The following ANKRD12 variants were observed in gnomAD, a reference collection of about 807,000 sequenced individuals.
ANKRD12 encodes the protein ankyrin repeat domain-containing protein 12.
In ANKRD12, 85 loss-of-function variants were observed where a neutral mutation model predicts 183.4. The observed-to-expected ratio is 0.46, with a 90% confidence interval of 0.39 to 0.56. ANKRD12 has a LOEUF of 0.56. Ranked by LOEUF, ANKRD12 falls within the 20% of genes least tolerant of loss-of-function variation. ANKRD12 has a pLI of 0.00. For synonymous variants in ANKRD12, 914 were observed against 800.2 expected (o/e 1.14, Z -2.40); for missense variants, 2,405 against 2,357.1 (o/e 1.02, Z -0.42).
intron 1 of ANKRD12, among the ~76,000 whole-genome samples, chr18:9,160,205 A>G (rs186087408): frequency 2.0e-5 from 3 of 152,278 alleles, no homozygotes; most frequent in African/African-American, 4.8e-5. Context: ...AACCTCAGCT[A>G]CGTGGACTCA....
At chr18:9,246,800 A>G (rs572542525) in intron 8 of ANKRD12, among the ~76,000 whole-genome samples, 5 of 152,204 alleles carry the variant, frequency 3.3e-5, no homozygotes, top group Admixed American at 1.3e-4. Flanking sequence ...TGTGCCAGGT[A>G]TATGTCAGGC....
Position 9,284,102 on chromosome 18 carries a change from AT to A in ANKRD12, c.*2980del, listed in dbSNP as rs1428699708. The A allele has an allele frequency of 2.0e-5, 3 of 152,236 alleles. No individual in the cohort carries two copies. The highest frequency in any genetic ancestry group is 7.2e-5 in the African/African-American group (3 of 41,474). 9.4% of individuals were successfully genotyped at this position (152,236 alleles called of 1,614,324 possible). A position where few individuals can be genotyped will look rare whatever the true frequency, so the allele number is the denominator to read the frequency against. On this transcript the variant is annotated 3_prime_UTR_variant, in exon 13 of 13. Coordinates refer to ENST00000262126, the MANE Select transcript of ANKRD12 (RefSeq NM_015208.5). ...AAAATATGTACATAAGTTTAAAAATATTTTATTGCTAAAAATGGTAACAAAG... is the reference window on the plus strand; with the variant it reads ...AAAATATGTACATAAGTTTAAAAATATTTATTGCTAAAAATGGTAACAAAG...
chr18:9,203,850 C>G (rs1158458345), intron 3 of ANKRD12, among the ~76,000 whole-genome samples: 1 of 152,138 alleles, frequency 6.6e-6, no homozygotes, highest in Admixed American at 6.5e-5. Flanking sequence ...GGTAATCCAC[C>G]CACCTTGGCC....
chr18:9,279,554 T>A lies in ANKRD12; in HGVS notation c.5913T>A (p.Asp1971Glu). 1 of 1,586,292 alleles carries A rather than the reference T, an allele frequency of 6.3e-7. No individual in the cohort carries two copies. The highest frequency in any genetic ancestry group is 2.2e-5 in the East Asian group (1 of 44,588). Reference sequence around the variant, plus strand: ...TACTCACTTTTCTCTTTTAGTCTGATGACAGTAAAACTTCTGTGAGGGATC... The same window carrying A: ...TACTCACTTTTCTCTTTTAGTCTGAAGACAGTAAAACTTCTGTGAGGGATC... Reference protein sequence around the residue: ...VYNVPLDSQSDDSKTSVRDRF... With the variant: ...VYNVPLDSQSEDSKTSVRDRF... The change falls in exon 12 of 13, where the codon GAT (aspartate) becomes GAA (glutamate). Residue 1971 changes from aspartate to glutamate, a missense_variant. Physicochemically the swap from Asp to Glu is conservative, Grantham distance 45 (BLOSUM62 2). Around this residue, in one of 7 missense-constraint regions of ANKRD12, gnomAD observed 162 missense variants for 272.2 expected, o/e 0.60. Transcript: ENST00000262126.
chr18:9,279,690 TAAAAAA>T (rs61228777), intron 12 of ANKRD12, 46 bp downstream of exon 12: 2 of 824,470 alleles, frequency 2.4e-6, no homozygotes, highest in African/African-American at 3.8e-5. Flanking sequence ...TCCCCCTTCT[TAAAAAA>T]AAAAAAAACT....
intron 1 of ANKRD12, among the ~76,000 whole-genome samples, chr18:9,144,149 T>C (rs1282419652): frequency 6.6e-6 from 1 of 152,224 alleles, no homozygotes; most frequent in African/African-American, 2.4e-5. Context: ...CTTTTTTTCT[T>C]ACTCAAAACT....
At chr18:9,217,860 T>G (rs2036199045) in intron 7 of ANKRD12, among the ~76,000 whole-genome samples, 1 of 152,188 alleles carries the variant, frequency 6.6e-6, no homozygotes, top group African/African-American at 2.4e-5. Flanking sequence ...CACCTAGAAA[T>G]GTTCAGTATA....
At chr18:9,268,196 G>C (rs1337825396) in intron 10 of ANKRD12, among the ~76,000 whole-genome samples, 1 of 152,094 alleles carries the variant, frequency 6.6e-6, no homozygotes, top group African/African-American at 2.4e-5. Context: ...GGTACAAGGA[G>C]GAGCTGGTAC....
chr18:9,172,583 C>T (rs2032848411), intron 1 of ANKRD12, among the ~76,000 whole-genome samples: 1 of 152,202 alleles, frequency 6.6e-6, no homozygotes, highest in African/African-American at 2.4e-5. Context: ...GTCAGTTATG[C>T]TCCTCTCTAA....
chr18:9,160,203 C>T (rs1312515592), intron 1 of ANKRD12, among the ~76,000 whole-genome samples: 1 of 152,174 alleles, frequency 6.6e-6, no homozygotes, highest in Non-Finnish European at 1.5e-5. Flanking sequence ...GCAACCTCAG[C>T]TACGTGGACT....
chr18:9,262,376 A>G (rs375860368), intron 9 of ANKRD12, among the ~76,000 whole-genome samples: 2 of 152,210 alleles, frequency 1.3e-5, no homozygotes, highest in Non-Finnish European at 2.9e-5. Context: ...GGAAAATACA[A>G]ATTCTCCAAG....
At chr18:9,239,555 CAGTA>C in intron 8 of ANKRD12, 1 of 1,274,400 alleles carries the variant, frequency 7.8e-7, no homozygotes, top group South Asian at 1.3e-5. Context: ...CAAAAATCAT[CAGTA>C]AGTATCATAT....
intron 2 of ANKRD12, among the ~76,000 whole-genome samples, chr18:9,186,072 T>G (rs977184265): frequency 6.6e-6 from 1 of 152,210 alleles, no homozygotes; most frequent in Non-Finnish European, 1.5e-5. Flanking sequence ...TATGTACTTT[T>G]CATGTATCTT....
chr18:9,188,425 T>A lies in ANKRD12; in HGVS notation c.87+5906T>A, dbSNP rs76307864. ...CATACAAATACCCATGAAAAGATAG[T>A]CCAGGACAAAGGAAATTAGTGTGTC... On this transcript the variant is annotated intron_variant, in intron 2 of 12. Transcript: ENST00000262126. Among the ~76,000 whole-genome samples the A allele has an allele frequency of 1.2e-3, 188 of 152,270 alleles. 3 individuals are homozygous for A. In the East Asian group the frequency reaches 0.034, roughly 28 times the overall value.
intron 8 of ANKRD12, chr18:9,239,607 AC>A: frequency 1.1e-6 from 1 of 914,778 alleles, no homozygotes; most frequent in Non-Finnish European, 1.5e-6. Context: ...TGATGAAAAT[AC>A]CCAAAATTTA....
chr18:9,182,123 C>T (rs2033738051), intron 1 of ANKRD12, among the ~76,000 whole-genome samples: 1 of 152,170 alleles, frequency 6.6e-6, no homozygotes, highest in South Asian at 2.1e-4. Flanking sequence ...TCACTGCTTC[C>T]ACTTTCACTG....
chr18:9,145,315 A>C (rs753799891), intron 1 of ANKRD12, among the ~76,000 whole-genome samples: 4 of 152,168 alleles, frequency 2.6e-5, no homozygotes, highest in Non-Finnish European at 5.9e-5. Context: ...TTAAACATTT[A>C]CATAATTAAC....
chr18:9,167,396 G>A (rs2032192530), intron 1 of ANKRD12, among the ~76,000 whole-genome samples: 1 of 152,118 alleles, frequency 6.6e-6, no homozygotes, highest in Non-Finnish European at 1.5e-5. Context: ...ATTTCATTGA[G>A]CAGTGGTTTG....
At chr18:9,156,571 G>A (rs2030493536) in intron 1 of ANKRD12, among the ~76,000 whole-genome samples, 1 of 152,162 alleles carries the variant, frequency 6.6e-6, no homozygotes, top group East Asian at 1.9e-4. Context: ...AAGATTGAAT[G>A]TATTCTGATC....
Sources: allele counts gnomAD v4.1 joint callset (sites outside exome capture counted in the v4.1 genomes callset), GRCh38; gene constraint gnomAD v4.1.1; regional missense constraint gnomAD v4.1.1; transcripts MANE v1.5; gene names NCBI Gene and HGNC (gene_info 2026-07-23, HGNC 2026-07-21).